Variants in ENAH observed in about 807,000 individuals in gnomAD.
The protein encoded by ENAH is ENAH actin regulator, also known as protein enabled homolog.
Under a neutral mutation model 78.7 loss-of-function variants are expected in ENAH, and 23 were observed. The ratio of observed to expected loss-of-function variants is 0.29; its 90% CI spans 0.21 to 0.41. The LOEUF is 0.41. Among genes scored for constraint, ENAH ranks in the 10% least tolerant of loss-of-function variants. The pLI, the probability that ENAH is intolerant of heterozygous loss-of-function variation, is 1.00. For synonymous variants in ENAH, 226 were observed against 241.0 expected, an observed-to-expected ratio of 0.94 and a Z score of 0.58; for missense variants, 544 against 691.0, an observed-to-expected ratio of 0.79 and a Z score of 2.39.
chr1:225,517,363 G>T lies in ENAH; in HGVS notation c.803-57C>A, dbSNP rs182014303. 9.6e-5 allele frequency: 149 copies of T among 1,551,766 alleles called. 1 individual carries two copies. The East Asian group carries it at 2.8e-3, about 29-fold the overall frequency. ...GGATGAGGGAGTTGAGGCAATAGGG[G>T]TGCTTGGAGGAGGAGAAGCTTGAGA... On this transcript the variant is annotated intron_variant, in intron 5 of 13. Transcript: ENST00000366843.
chr1:225,541,109 G>A (rs1337004167), intron 3 of ENAH, among the ~76,000 whole-genome samples: 3 of 152,124 alleles, frequency 2.0e-5, no homozygotes, highest in African/African-American at 7.2e-5. Flanking sequence ...ATGACTTAAG[G>A]GTAGAGGGTT....
intron 1 of ENAH, among the ~76,000 whole-genome samples, chr1:225,608,408 T>G (rs1171271364): frequency 6.6e-6 from 1 of 150,992 alleles, no homozygotes; most frequent in East Asian, 1.9e-4. Flanking sequence ...CAACAGACTT[T>G]TTTTTTTTTT....
chr1:225,575,118 ATCC>A (rs2096782296), intron 1 of ENAH, among the ~76,000 whole-genome samples: 1 of 151,654 alleles, frequency 6.6e-6, no homozygotes, highest in African/African-American at 2.4e-5. Flanking sequence ...TCACTCCAGA[ATCC>A]TCCGTGACCC....
At chr1:225,585,485 TA>T (rs147030607) in intron 1 of ENAH, among the ~76,000 whole-genome samples, 24 of 151,494 alleles carry the variant, frequency 1.6e-4, no homozygotes, top group African/African-American at 5.6e-4. Context: ...TGCTGGGCCA[TA>T]AAAAAAAATT....
intron 1 of ENAH, among the ~76,000 whole-genome samples, chr1:225,612,109 A>G (rs2096993285): frequency 6.6e-6 from 1 of 152,226 alleles, no homozygotes; most frequent in African/African-American, 2.4e-5. Context: ...AACTGAAAAC[A>G]GGTATTCAAA....
At chr1:225,547,088 T>C (rs1190028583) in intron 3 of ENAH, among the ~76,000 whole-genome samples, 2 of 152,012 alleles carry the variant, frequency 1.3e-5, no homozygotes, top group Non-Finnish European at 2.9e-5. Context: ...GTTTTTTTTT[T>C]TGAGACGGAG....
In ENAH at chr1:225,489,960, T is replaced by C. The variant is rs1483531139; in HGVS notation, c.*7815A>G. On this transcript the variant is annotated 3_prime_UTR_variant, in exon 14 of 14. Coordinates refer to ENST00000366843, the MANE Select transcript of ENAH (RefSeq NM_018212.6). ...CGAGACTGTCTCGAAATAATAATAATAACAATAATAATAAAAAGCTTTATC... is the reference window on the plus strand; with the variant it reads ...CGAGACTGTCTCGAAATAATAATAACAACAATAATAATAAAAAGCTTTATC... The C allele has an allele frequency of 1.3e-5, 2 of 151,494 alleles. No homozygotes were observed. Among genetic ancestry groups the C allele is most frequent in the African/African-American group, 4.9e-5 (2 of 41,184 alleles). 9.4% of individuals were successfully genotyped at this position (151,494 alleles called of 1,614,324 possible).
In ENAH at chr1:225,652,614, T is replaced by C. The variant is rs1037723299; in HGVS notation, c.5+72A>G. On this transcript the variant is annotated intron_variant, in intron 1 of 13. Transcript: ENST00000366843. The stretch of plus-strand genomic sequence containing the variant: ...CCGGGCCGGGAGAGGGAAGGCGGGG[T>C]CCGAGGAGAACGGGGGTCGCGGCTC... 17 of 1,236,768 alleles carry C rather than the reference T, an allele frequency of 1.4e-5. No individual in the cohort carries two copies. The African/African-American group carries it at 2.7e-4, about 20-fold the overall frequency. The allele number at this position is 1,236,768 out of a possible 1,614,324, so 76.6% of individuals were successfully genotyped here. A position where few individuals can be genotyped will look rare whatever the true frequency, so the allele number is the denominator to read the frequency against.
chr1:225,645,485 G>A (rs772584196), intron 1 of ENAH, among the ~76,000 whole-genome samples: 2 of 152,150 alleles, frequency 1.3e-5, no homozygotes, highest in South Asian at 2.1e-4. Context: ...TATGAATAAC[G>A]ATACTATAGA....
At chr1:225,535,300 A>C (rs1186183398) in intron 3 of ENAH, among the ~76,000 whole-genome samples, 1 of 152,146 alleles carries the variant, frequency 6.6e-6, no homozygotes, top group African/African-American at 2.4e-5. Context: ...AATTCTAACT[A>C]ATTCTAATGC....
At chr1:225,520,054 G>T (rs2096455096) in intron 4 of ENAH, among the ~76,000 whole-genome samples, 1 of 152,142 alleles carries the variant, frequency 6.6e-6, no homozygotes, top group Non-Finnish European at 1.5e-5. Flanking sequence ...AGCACTTTGG[G>T]AGGCCGAGGC....
At chr1:225,545,802 TC>T (rs919479131) in intron 3 of ENAH, among the ~76,000 whole-genome samples, 53 of 152,068 alleles carry the variant, frequency 3.5e-4, no homozygotes, top group African/African-American at 1.2e-3. Context: ...AATTCAAGAT[TC>T]CCAATTTTAC....
intron 4 of ENAH, among the ~76,000 whole-genome samples, chr1:225,527,763 T>C (rs1170910595): frequency 6.6e-6 from 1 of 152,172 alleles, no homozygotes; most frequent in African/African-American, 2.4e-5. Context: ...ACACCTACTC[T>C]TTCTTCCTGG....
chr1:225,543,696 T>A (rs761539101), intron 3 of ENAH, among the ~76,000 whole-genome samples: 1 of 152,230 alleles, frequency 6.6e-6, no homozygotes, highest in African/African-American at 2.4e-5. Flanking sequence ...TGTAACATAG[T>A]ACCTTAACAG....
chr1:225,546,560 T>A (rs1247251778), intron 3 of ENAH, among the ~76,000 whole-genome samples: 2 of 152,250 alleles, frequency 1.3e-5, no homozygotes, highest in East Asian at 3.9e-4. Context: ...TTGGGAGAAC[T>A]GATATTAGTT....
chr1:225,599,796 T>TAAAAAAAA (rs34052384), intron 1 of ENAH, among the ~76,000 whole-genome samples: 14 of 82,974 alleles, frequency 1.7e-4, no homozygotes, highest in African/African-American at 6.9e-4. Context: ...GACTCCGTCT[T>TAAAAAAAA]AAAAAAAAAA....
intron 1 of ENAH, among the ~76,000 whole-genome samples, chr1:225,589,885 C>T (rs1253911701): frequency 5.3e-5 from 8 of 152,030 alleles, no homozygotes; most frequent in Admixed American, 2.0e-4. Flanking sequence ...GTGCACTCCC[C>T]GTGCAGCTTT....
intron 1 of ENAH, among the ~76,000 whole-genome samples, chr1:225,633,209 A>T (rs1575804925): frequency 7.0e-6 from 1 of 142,444 alleles, no homozygotes; most frequent in African/African-American, 2.6e-5. Flanking sequence ...CACCTGGCTA[A>T]TTTTTTTTTT....
intron 1 of ENAH, chr1:225,652,234 T>TA (rs1239262659): frequency 1.4e-6 from 1 of 728,406 alleles, no homozygotes; most frequent in African/African-American, 1.9e-5. Context: ...TTCAGACCTT[T>TA]CAAACTTTTC....
Sources: allele counts gnomAD v4.1 joint callset (sites outside exome capture counted in the v4.1 genomes callset), GRCh38; gene constraint gnomAD v4.1.1; transcripts MANE v1.5; gene names NCBI Gene and HGNC (gene_info 2026-07-23, HGNC 2026-07-21).